Variants in RGS5 observed in about 807,000 individuals in gnomAD.
The protein encoded by RGS5 is regulator of G protein signaling 5.
In RGS5, 20 loss-of-function variants were observed where a neutral mutation model predicts 18.9. That is an observed-to-expected ratio of 1.06 (90% CI 0.74 to 1.54). The LOEUF (loss-of-function observed/expected upper bound fraction) is 1.54. RGS5 is among the 40% of genes most tolerant of loss of function. RGS5 has a pLI of 0.00. For missense variants in RGS5, 201 were observed against 211.8 expected, an observed-to-expected ratio of 0.95 and a Z score of 0.32; for synonymous variants, 57 against 76.2, an observed-to-expected ratio of 0.75 and a Z score of 1.31.
chr1:163,265,695 T>C lies in RGS5; in HGVS notation c.-281+40538A>G, dbSNP rs1419285929. Among the ~76,000 whole-genome samples, 5 of 152,268 alleles carry C rather than the reference T, an allele frequency of 3.3e-5. No individual in the cohort carries two copies. In the East Asian group the frequency reaches 9.7e-4, roughly 29 times the overall value. On this transcript the variant is annotated intron_variant, in intron 2 of 5. Transcript: ENST00000618415. ...TCTGTTCCCATTATCCTTTGGAAAC[T>C]GTGACTCATTTCAAATTGAAAGGAT...
At chr1:163,217,715 C>T, upstream of RGS5, 1 of 1,314,414 alleles carries the variant, frequency 7.6e-7, no homozygotes, top group East Asian at 2.6e-5. Context: ...ACCTTGATGA[C>T]ATTGTTGAGC....
intron 1 of RGS5, among the ~76,000 whole-genome samples, chr1:163,188,702 G>A (rs1010985904): frequency 1.3e-4 from 20 of 152,174 alleles, no homozygotes; most frequent in African/African-American, 4.3e-4. Context: ...GCTCACGCCT[G>A]TAATCCCAGC....
chr1:163,246,110 G>A (rs1415530615), intron 2 of RGS5, among the ~76,000 whole-genome samples: 11 of 151,584 alleles, frequency 7.3e-5, no homozygotes, highest in African/African-American at 2.2e-4. Context: ...CCAGCTACTC[G>A]GGAGGCTGAG....
chr1:163,193,768 G>T (rs1313264751), intron 1 of RGS5, among the ~76,000 whole-genome samples: 1 of 152,100 alleles, frequency 6.6e-6, no homozygotes, highest in African/African-American at 2.4e-5. Flanking sequence ...ATGAAAATTG[G>T]TTAATTATGT....
intron 1 of RGS5, among the ~76,000 whole-genome samples, chr1:163,200,986 CAT>C (rs984267163): frequency 2.1e-4 from 32 of 152,210 alleles, no homozygotes; most frequent in African/African-American, 7.2e-4. Flanking sequence ...TATGAGAAAA[CAT>C]AGAGCAAAAT....
At chr1:163,292,321 C>G (rs1435521124) in intron 2 of RGS5, among the ~76,000 whole-genome samples, 1 of 152,164 alleles carries the variant, frequency 6.6e-6, no homozygotes, top group Non-Finnish European at 1.5e-5. Flanking sequence ...CCTCCAACTC[C>G]ATCCATGTCC....
At chr1:163,295,408 C>G (rs1649397124) in intron 2 of RGS5, among the ~76,000 whole-genome samples, 1 of 152,102 alleles carries the variant, frequency 6.6e-6, no homozygotes, top group South Asian at 2.1e-4. Flanking sequence ...ATAAAAATGG[C>G]CTAGGTCATG....
In RGS5 at chr1:163,265,439, T is replaced by G. The variant is rs529943508; in HGVS notation, c.-281+40794A>C. Among the ~76,000 whole-genome samples the G allele has an allele frequency of 2.6e-5, 4 of 152,300 alleles. No individual in the cohort carries two copies. In the East Asian group the frequency reaches 7.7e-4, roughly 29 times the overall value. ...GCTCTCCTAGTCTTGTAAGGCAACT[T>G]GTACCTTTATCATCCTCTTCTAACC... On this transcript the variant is annotated intron_variant, in intron 2 of 5. Transcript: ENST00000618415.
intron 3 of RGS5, among the ~76,000 whole-genome samples, chr1:163,156,157 T>C (rs1657570131): frequency 1.3e-5 from 2 of 152,210 alleles, no homozygotes; most frequent in Non-Finnish European, 2.9e-5. Flanking sequence ...GCACCATTTC[T>C]AGCTTATTGG....
intron 2 of RGS5, among the ~76,000 whole-genome samples, chr1:163,273,673 T>A (rs192221096): frequency 6.6e-4 from 100 of 152,296 alleles, no homozygotes; most frequent in African/African-American, 2.4e-3. Context: ...ATAGGACCAC[T>A]CAGAGACAGT....
intron 1 of RGS5, among the ~76,000 whole-genome samples, chr1:163,171,868 A>G (rs1370691706): frequency 6.6e-6 from 1 of 152,152 alleles, no homozygotes; most frequent in Admixed American, 6.5e-5. Flanking sequence ...TAGATGTGGA[A>G]ACAATCACAA....
chr1:163,267,034 A>G (rs997986983), intron 2 of RGS5, among the ~76,000 whole-genome samples: 3 of 152,120 alleles, frequency 2.0e-5, no homozygotes, highest in African/African-American at 7.2e-5. Context: ...TGCCATGTAT[A>G]TGGTGTTATG....
chr1:163,256,440 GT>G (rs1420754928), intron 2 of RGS5, among the ~76,000 whole-genome samples: 1 of 152,196 alleles, frequency 6.6e-6, no homozygotes, highest in East Asian at 1.9e-4. Context: ...GTGTTTGGAG[GT>G]AGAGGGGAGC....
rs554141602 is a variant in RGS5 at position 163,146,477 on chromosome 1, A to G, written c.*865T>C. 2 of 152,314 alleles carry G rather than the reference A, an allele frequency of 1.3e-5. No individual in the cohort carries two copies. The highest frequency in any genetic ancestry group is 1.9e-4 in the East Asian group (1 of 5,186). The allele number at this position is 152,314 out of a possible 1,614,324, so 9.4% of individuals were successfully genotyped here. ...TGGGAGACTACTCCAATGGAGCAAC[A>G]GTTTCATTTTACATGATTGGATTTA... On this transcript the variant is annotated 3_prime_UTR_variant, in exon 5 of 5. Coordinates refer to ENST00000313961, the MANE Select transcript of RGS5 (RefSeq NM_003617.4).
At chr1:163,270,969 T>C (rs1327091934) in intron 2 of RGS5, among the ~76,000 whole-genome samples, 1 of 152,174 alleles carries the variant, frequency 6.6e-6, no homozygotes, top group Non-Finnish European at 1.5e-5. Context: ...TGTTGAGGTA[T>C]AATTTAAATA....
At chr1:163,242,075 T>C (rs1444010347) in intron 2 of RGS5, among the ~76,000 whole-genome samples, 1 of 152,230 alleles carries the variant, frequency 6.6e-6, no homozygotes, top group Non-Finnish European at 1.5e-5. Flanking sequence ...CTTCATTTTA[T>C]AGAAAGATCT....
At chr1:163,155,582 G>T (rs987178919) in intron 3 of RGS5, among the ~76,000 whole-genome samples, 6 of 152,108 alleles carry the variant, frequency 3.9e-5, no homozygotes, top group Non-Finnish European at 8.8e-5. Context: ...GCCTCTGGTT[G>T]TCTGTCAGTT....
intron 3 of RGS5, among the ~76,000 whole-genome samples, chr1:163,158,900 C>G (rs1657689570): frequency 6.6e-6 from 1 of 152,154 alleles, no homozygotes; most frequent in Non-Finnish European, 1.5e-5. Context: ...GGGCTTATTG[C>G]ATCCCTCAAC....
chr1:163,299,049 C>G (rs559509856), intron 2 of RGS5, among the ~76,000 whole-genome samples: 1 of 152,234 alleles, frequency 6.6e-6, no homozygotes, highest in South Asian at 2.1e-4. Context: ...AACACTGTTT[C>G]ATGGGAATTG....
Sources: gnomAD v4.1 joint callset for allele counts (sites outside exome capture counted in the v4.1 genomes callset) on GRCh38, gnomAD v4.1.1 for gene constraint, MANE v1.5 for transcripts, NCBI Gene and HGNC (gene_info 2026-07-23, HGNC 2026-07-21) for gene names.